GRM7: variants seen among roughly 807,000 people sequenced by gnomAD.
The protein encoded by GRM7 is metabotropic glutamate receptor 7.
A neutral mutation model predicts 84.5 loss-of-function variants in GRM7; 35 were observed. The ratio of observed to expected loss-of-function variants is 0.41; its 90% CI spans 0.32 to 0.55. The LOEUF is 0.55. GRM7 is among the 20% of genes least tolerant of loss of function. The probability of loss-of-function intolerance (pLI) is 0.19; values close to 1 mark genes in which losing one functional copy is unlikely to be tolerated. For missense variants in GRM7, 1,003 were observed against 1,194.6 expected (o/e 0.84, Z 2.36); for synonymous variants, 487 against 455.1 (o/e 1.07, Z -0.89).
At chr3:7,078,124 C>T (rs1206436825) in intron 1 of GRM7, among the ~76,000 whole-genome samples, 1 of 152,190 alleles carries the variant, frequency 6.6e-6, no homozygotes, top group Non-Finnish European at 1.5e-5. Flanking sequence ...AAAGAGAAGG[C>T]TTTGCAATTA....
chr3:7,419,520 C>T (rs1696310282), intron 5 of GRM7, among the ~76,000 whole-genome samples: 1 of 152,150 alleles, frequency 6.6e-6, no homozygotes, highest in Non-Finnish European at 1.5e-5. Context: ...AAGCTGTATC[C>T]TTACATGTCT....
At chr3:7,447,275 GA>G (rs368991183) in intron 5 of GRM7, among the ~76,000 whole-genome samples, 4 of 151,722 alleles carry the variant, frequency 2.6e-5, no homozygotes, top group Admixed American at 6.6e-5. Flanking sequence ...AGAATTAATT[GA>G]AAAAAAAGCT....
At chr3:7,041,810 C>A (rs896436656) in intron 1 of GRM7, among the ~76,000 whole-genome samples, 1 of 151,912 alleles carries the variant, frequency 6.6e-6, no homozygotes, top group South Asian at 2.1e-4. Context: ...GGGGGCTGAT[C>A]ACCATGGAAA....
intron 5 of GRM7, among the ~76,000 whole-genome samples, chr3:7,421,659 T>C (rs1017568228): frequency 5.9e-5 from 9 of 151,966 alleles, no homozygotes; most frequent in African/African-American, 2.2e-4. Context: ...TTCCTGCCCT[T>C]AGTAGTGAAG....
At chr3:7,526,396 T>C (rs1700808650) in intron 7 of GRM7, among the ~76,000 whole-genome samples, 1 of 151,902 alleles carries the variant, frequency 6.6e-6, no homozygotes, top group Non-Finnish European at 1.5e-5. Context: ...GTTTTTTTCC[T>C]TGATTTAAGT....
At chr3:7,622,220 T>A (rs1407716640) in intron 8 of GRM7, among the ~76,000 whole-genome samples, 1 of 152,130 alleles carries the variant, frequency 6.6e-6, no homozygotes, top group Admixed American at 6.6e-5. Flanking sequence ...TTCAACAAAC[T>A]TTTGCATTAA....
chr3:6,937,162 A>G (rs1296293423), intron 1 of GRM7, among the ~76,000 whole-genome samples: 2 of 152,366 alleles, frequency 1.3e-5, no homozygotes, highest in Non-Finnish European at 2.9e-5. Context: ...GAACTGAAAC[A>G]AGATTTGAGA....
intron 4 of GRM7, among the ~76,000 whole-genome samples, chr3:7,338,200 G>A (rs1298986719): frequency 1.3e-5 from 2 of 151,734 alleles, no homozygotes; most frequent in Non-Finnish European, 2.9e-5. Context: ...TTGCAACAAC[G>A]TGGATGGAGT....
intron 1 of GRM7, among the ~76,000 whole-genome samples, chr3:6,990,447 A>G (rs759674328): frequency 6.6e-6 from 1 of 152,158 alleles, no homozygotes; most frequent in Non-Finnish European, 1.5e-5. Flanking sequence ...AATACAAAAT[A>G]AACCTTTTTT....
intron 6 of GRM7, among the ~76,000 whole-genome samples, chr3:7,453,831 G>C (rs1212570195): frequency 6.6e-6 from 1 of 152,146 alleles, no homozygotes; most frequent in Non-Finnish European, 1.5e-5. Flanking sequence ...GGTGAGGCCT[G>C]TCTGTCCAGA....
At chr3:7,350,232 T>G (rs1486334333) in intron 4 of GRM7, among the ~76,000 whole-genome samples, 1 of 152,150 alleles carries the variant, frequency 6.6e-6, no homozygotes, top group East Asian at 1.9e-4. Context: ...TTTGAGCTTG[T>G]TAATTGATAT....
chr3:7,224,817 A>G (rs1696930231), intron 2 of GRM7, among the ~76,000 whole-genome samples: 1 of 151,964 alleles, frequency 6.6e-6, no homozygotes, highest in Non-Finnish European at 1.5e-5. Context: ...GGAGGGGTGC[A>G]AGGTCATACC....
rs370683194 is a variant in GRM7 at position 7,410,656 on chromosome 3, CCACA to C, written c.1034-4347_1034-4344del. On this transcript the variant is annotated intron_variant, in intron 4 of 9. Coordinates refer to ENST00000357716, the MANE Select transcript of GRM7 (RefSeq NM_000844.4). ...ACACATACACACAAAACCACCACCA[CCACA>C]CACACACACACACACACACGCACAT... Among the ~76,000 whole-genome samples, 785 of 142,668 alleles carry C rather than the reference CCACA, an allele frequency of 5.5e-3. 3 individuals are homozygous for C. The highest frequency in any genetic ancestry group is 7.7e-3 in the Non-Finnish European group (496 of 64,764). 93.6% of individuals were successfully genotyped at this position (142,668 alleles called of 152,430 possible). A position where few individuals can be genotyped will look rare whatever the true frequency, so the allele number is the denominator to read the frequency against.
At chr3:7,470,789 T>C (rs143798915) in intron 7 of GRM7, among the ~76,000 whole-genome samples, 1 of 152,070 alleles carries the variant, frequency 6.6e-6, no homozygotes, top group African/African-American at 2.4e-5. Flanking sequence ...CTCAACTCAT[T>C]ATCATCAAAC....
intron 4 of GRM7, among the ~76,000 whole-genome samples, chr3:7,364,837 G>A (rs1693811648): frequency 6.6e-6 from 1 of 151,846 alleles, no homozygotes; most frequent in South Asian, 2.1e-4. Flanking sequence ...ATTGTGGTTA[G>A]TGTTTATAGC....
chr3:7,368,210 C>T (rs1257222420), intron 4 of GRM7, among the ~76,000 whole-genome samples: 1 of 151,862 alleles, frequency 6.6e-6, no homozygotes, highest in African/African-American at 2.4e-5. Context: ...GAACTTGTTT[C>T]CTGGGTTACA....
chr3:7,525,937 C>T (rs968086356), intron 7 of GRM7, among the ~76,000 whole-genome samples: 10 of 151,892 alleles, frequency 6.6e-5, no homozygotes, highest in Admixed American at 1.3e-4. Context: ...TGTTACGTAC[C>T]GCAGTTTTTA....
chr3:7,572,866 ATATATATATATAT>A lies in GRM7; in HGVS notation c.1516-5555_1516-5543del, dbSNP rs1694766058. On this transcript the variant is annotated intron_variant, in intron 7 of 9. Coordinates refer to ENST00000357716, the MANE Select transcript of GRM7 (RefSeq NM_000844.4). ...TATATATATATATATATATATATAT[ATATATATATATAT>A]AAATAATCTTTCTACCTATAATAAT... Among the ~76,000 whole-genome samples, 4 of 74,340 alleles carry A rather than the reference ATATATATATATAT, an allele frequency of 5.4e-5. 1 individual carries two copies. The highest frequency in any genetic ancestry group is 1.5e-4 in the Admixed American group (1 of 6,622). The allele number at this position is 74,340 out of a possible 152,430, so 48.8% of individuals were successfully genotyped here.
intron 7 of GRM7, among the ~76,000 whole-genome samples, chr3:7,546,113 A>G (rs1179666658): frequency 2.0e-5 from 3 of 152,198 alleles, no homozygotes; most frequent in Non-Finnish European, 4.4e-5. Flanking sequence ...ATTACTTTTA[A>G]TTCATATGCA....
Sources: gnomAD v4.1 joint callset for allele counts (sites outside exome capture counted in the v4.1 genomes callset) on GRCh38, gnomAD v4.1.1 for gene constraint, MANE v1.5 for transcripts, NCBI Gene and HGNC (gene_info 2026-07-23, HGNC 2026-07-21) for gene names.